CSGALNACT1: variants seen among roughly 807,000 people sequenced by gnomAD.
CSGALNACT1 encodes beta4GalNAcT-1.
Under a neutral mutation model 51.0 loss-of-function variants are expected in CSGALNACT1, and 52 were observed. That is an observed-to-expected ratio of 1.02 (90% CI 0.82 to 1.29). CSGALNACT1 has a LOEUF of 1.29. Among genes scored for constraint, CSGALNACT1 ranks in the 50% most tolerant of loss-of-function variants. The pLI is 0.00. For missense variants in CSGALNACT1, 935 were observed against 679.2 expected (o/e 1.38, Z -4.19); for synonymous variants, 341 against 254.4 (o/e 1.34, Z -3.24).
At chr8:19,524,709 A>G (rs1231586977) in intron 3 of CSGALNACT1, among the ~76,000 whole-genome samples, 1 of 152,148 alleles carries the variant, frequency 6.6e-6, no homozygotes, top group Non-Finnish European at 1.5e-5. Context: ...AAAAGCCTCT[A>G]ATGTGATAAG....
At chr8:19,508,187 A>G (rs1377175206) in intron 3 of CSGALNACT1, among the ~76,000 whole-genome samples, 2 of 152,232 alleles carry the variant, frequency 1.3e-5, no homozygotes, top group East Asian at 1.9e-4. Flanking sequence ...GGGAGAAAAG[A>G]GAGAGATGTT....
chr8:19,445,033 A>G (rs1349387219), intron 5 of CSGALNACT1, among the ~76,000 whole-genome samples: 1 of 152,212 alleles, frequency 6.6e-6, no homozygotes, highest in Non-Finnish European at 1.5e-5. Context: ...AAGAAAGAGC[A>G]CCTCAGGAAC....
intron 1 of CSGALNACT1, among the ~76,000 whole-genome samples, chr8:19,651,274 C>G (rs767712699): frequency 6.6e-6 from 1 of 151,914 alleles, no homozygotes; most frequent in Admixed American, 6.6e-5. Context: ...TTTTCTCCAA[C>G]TTTTATTTTA....
chr8:19,634,785 C>G (rs1357360028), intron 1 of CSGALNACT1, among the ~76,000 whole-genome samples: 1 of 152,222 alleles, frequency 6.6e-6, no homozygotes. Context: ...CAAAGTGGCG[C>G]ACGCCTTCAT....
intron 1 of CSGALNACT1, among the ~76,000 whole-genome samples, chr8:19,635,286 G>A (rs1009243846): frequency 3.3e-5 from 5 of 152,304 alleles, no homozygotes; most frequent in Admixed American, 6.5e-5. Flanking sequence ...GCAAGGCCAA[G>A]GGCAGGGATG....
intron 1 of CSGALNACT1, among the ~76,000 whole-genome samples, chr8:19,748,952 G>A (rs151185940): frequency 6.8e-4 from 102 of 150,792 alleles, no homozygotes; most frequent in African/African-American, 2.3e-3. Context: ...GTGACAGAGT[G>A]AGACTCCATC....
chr8:19,590,743 G>C (rs1284341350), intron 3 of CSGALNACT1, among the ~76,000 whole-genome samples: 1 of 146,408 alleles, frequency 6.8e-6, no homozygotes, highest in Non-Finnish European at 1.5e-5. Context: ...TCCACCTTCT[G>C]GGTTCAAGCA....
intron 3 of CSGALNACT1, among the ~76,000 whole-genome samples, chr8:19,547,118 A>G (rs1000623686): frequency 6.6e-6 from 1 of 152,202 alleles, no homozygotes; most frequent in African/African-American, 2.4e-5. Flanking sequence ...TCTTTCCAGC[A>G]AGAAAAAAAG....
chr8:19,693,390 C>T (rs889438527), intron 1 of CSGALNACT1, among the ~76,000 whole-genome samples: 1 of 152,130 alleles, frequency 6.6e-6, no homozygotes, highest in African/African-American at 2.4e-5. Context: ...CAGCCTTTGT[C>T]ATAGTAACGG....
intron 3 of CSGALNACT1, among the ~76,000 whole-genome samples, chr8:19,575,251 C>T (rs1168100966): frequency 6.6e-6 from 1 of 152,152 alleles, no homozygotes; most frequent in African/African-American, 2.4e-5. Context: ...TAATTGCTAC[C>T]ACTAGCTGCA....
chr8:19,493,212 G>A (rs1323567403), intron 4 of CSGALNACT1, among the ~76,000 whole-genome samples: 1 of 152,134 alleles, frequency 6.6e-6, no homozygotes, highest in Non-Finnish European at 1.5e-5. Flanking sequence ...CTATTTCACA[G>A]CAACAGCTTC....
chr8:19,666,828 AGAG>A, intron 1 of CSGALNACT1, among the ~76,000 whole-genome samples: 1 of 42,148 alleles, frequency 2.4e-5, no homozygotes, highest in South Asian at 6.8e-4. Context: ...AGAGAGAGAG[AGAG>A]AGAAAGAAAG....
intron 1 of CSGALNACT1, among the ~76,000 whole-genome samples, chr8:19,704,995 A>G (rs2062077586): frequency 6.6e-6 from 1 of 152,218 alleles, no homozygotes; most frequent in African/African-American, 2.4e-5. Flanking sequence ...CAAGATGAAT[A>G]AGTTCTGGTA....
intron 3 of CSGALNACT1, among the ~76,000 whole-genome samples, chr8:19,508,717 T>C (rs1490455418): frequency 6.6e-6 from 1 of 152,190 alleles, no homozygotes; most frequent in Non-Finnish European, 1.5e-5. Flanking sequence ...AAAAATGGAG[T>C]AGTCAACACA....
At chr8:19,632,111 G>T (rs907141306) in intron 1 of CSGALNACT1, among the ~76,000 whole-genome samples, 1 of 152,184 alleles carries the variant, frequency 6.6e-6, no homozygotes, top group African/African-American at 2.4e-5. Context: ...CTCTACAAAG[G>T]TTTGGAAAAC....
At chr8:19,492,184 CTCT>C (rs1249101186) in intron 4 of CSGALNACT1, among the ~76,000 whole-genome samples, 2 of 152,214 alleles carry the variant, frequency 1.3e-5, no homozygotes, top group African/African-American at 4.8e-5. Context: ...TGCGAGAAGG[CTCT>C]TCTTTTCAGA....
intron 3 of CSGALNACT1, among the ~76,000 whole-genome samples, chr8:19,590,640 C>CTTTTTTTTT (rs34859554): frequency 1.4e-5 from 1 of 68,970 alleles, no homozygotes; most frequent in African/African-American, 5.5e-5. Context: ...GACCTAACTA[C>CTTTTTTTTT]TTTTTTTTTT....
chr8:19,682,400 T>C (rs2154209761), intron 1 of CSGALNACT1: 1 of 337,642 alleles, frequency 3.0e-6, no homozygotes, highest in South Asian at 2.4e-5. Flanking sequence ...ACAAAACAGC[T>C]CCCAGCACTC....
intron 1 of CSGALNACT1, among the ~76,000 whole-genome samples, chr8:19,666,278 T>C (rs1415774296): frequency 6.6e-6 from 1 of 152,194 alleles, no homozygotes; most frequent in Non-Finnish European, 1.5e-5. Flanking sequence ...ATTGTCCTCA[T>C]ATTATAACTA....
Sources: gnomAD v4.1 joint callset for allele counts (sites outside exome capture counted in the v4.1 genomes callset) on GRCh38, gnomAD v4.1.1 for gene constraint, MANE v1.5 for transcripts, NCBI Gene and HGNC (gene_info 2026-07-23, HGNC 2026-07-21) for gene names.